Variants in RP1 observed in about 807,000 individuals in gnomAD.
The protein encoded by RP1 is oxygen-regulated protein 1.
Under a neutral mutation model 14.8 loss-of-function variants are expected in RP1, and 16 were observed. That is an observed-to-expected ratio of 1.08 (90% CI 0.73 to 1.65). RP1 has a LOEUF of 1.65. Ranked by LOEUF, RP1 falls within the 40% of genes most tolerant of loss-of-function variation. RP1 has a pLI of 0.00. For missense variants in RP1, 2,631 were observed against 2,535.0 expected, an observed-to-expected ratio of 1.04 and a Z score of -0.81; for synonymous variants, 876 against 883.6, an observed-to-expected ratio of 0.99 and a Z score of 0.15.
intron 1 of RP1, among the ~76,000 whole-genome samples, chr8:54,594,374 G>A (rs1245851096): frequency 6.6e-6 from 1 of 152,236 alleles, no homozygotes; most frequent in Non-Finnish European, 1.5e-5. Context: ...AGTGTTGGCA[G>A]CTAAGCTGTT....
intron 24 of RP1, among the ~76,000 whole-genome samples, chr8:54,820,479 T>A (rs1444365890): frequency 6.6e-6 from 1 of 152,058 alleles, no homozygotes; most frequent in Non-Finnish European, 1.5e-5. Context: ...GGTGGAGGAT[T>A]CCCCTCTGGC....
intron 25 of RP1, among the ~76,000 whole-genome samples, chr8:54,840,724 A>C (rs1196652149): frequency 6.6e-6 from 1 of 151,756 alleles, no homozygotes; most frequent in Non-Finnish European, 1.5e-5. Flanking sequence ...AAGGCTCAGC[A>C]TGTCTTCCCT....
chr8:54,614,004 T>C (rs1484794415), upstream of RP1, among the ~76,000 whole-genome samples: 1 of 152,226 alleles, frequency 6.6e-6, no homozygotes, highest in African/African-American at 2.4e-5. Context: ...TGAACACTTG[T>C]TATGACATTC....
intron 22 of RP1, among the ~76,000 whole-genome samples, chr8:54,765,545 C>A (rs1475456375): frequency 6.6e-6 from 1 of 152,224 alleles, no homozygotes; most frequent in African/African-American, 2.4e-5. Context: ...GAATTAAAAA[C>A]ATATTATCCC....
intron 19 of RP1, among the ~76,000 whole-genome samples, chr8:54,749,530 T>C (rs925407923): frequency 6.6e-6 from 1 of 152,064 alleles, no homozygotes; most frequent in South Asian, 2.1e-4. Flanking sequence ...CCTTGCTCCA[T>C]TGATATCTAG....
At chr8:54,824,532 A>AGAT (rs1471437615) in intron 24 of RP1, among the ~76,000 whole-genome samples, 2 of 151,994 alleles carry the variant, frequency 1.3e-5, no homozygotes, top group Non-Finnish European at 2.9e-5. Context: ...GGAAATCAGA[A>AGAT]GTGGGAATAC....
intron 8 of RP1, among the ~76,000 whole-genome samples, chr8:54,675,981 CTCCCATGGTGGAAGGGCAAAAAGG>C (rs1378998559): frequency 3.2e-4 from 48 of 152,116 alleles, no homozygotes; most frequent in Non-Finnish European, 6.2e-4. Flanking sequence ...TTGCTGTGTC[CTCCCATGGTGGAAGGGCAAAAAGG>C]CCTCGCTAGT....
intron 1 of RP1, among the ~76,000 whole-genome samples, chr8:54,569,108 G>A (rs1291097443): frequency 1.3e-5 from 2 of 152,208 alleles, no homozygotes; most frequent in African/African-American, 2.4e-5. Flanking sequence ...AATGCCCAAA[G>A]TTACGTTCCC....
intron 1 of RP1, among the ~76,000 whole-genome samples, chr8:54,586,723 A>G (rs1261208871): frequency 6.6e-6 from 1 of 151,970 alleles, no homozygotes; most frequent in East Asian, 1.9e-4. Context: ...CCTCGCTGCC[A>G]CCTTGCAGTT....
chr8:54,739,315 A>T (rs1809011028), intron 19 of RP1, among the ~76,000 whole-genome samples: 4 of 152,148 alleles, frequency 2.6e-5, no homozygotes, highest in Admixed American at 2.6e-4. Flanking sequence ...GCTGTAACCC[A>T]TCATGGGTCA....
rs10632655 is a variant in RP1 at position 54,563,524 on chromosome 8, T to TTGTGTG, written c.-13+4217_-13+4222dup. ...TACAAGTGTCAGCTATTATTACTAT[T>TTGTGTG]TGTGTGTGTGTGTGTGTGGTTTTTT... On this transcript the variant is annotated intron_variant, in intron 1 of 22. Coordinates refer to the RP1 transcript ENST00000636932. 1.2e-3 allele frequency among the ~76,000 whole-genome samples: 174 copies of TTGTGTG among 150,648 alleles called. No homozygotes were observed. The East Asian group carries it at 0.012, about 10-fold the overall frequency.
chr8:54,825,047 G>A lies in RP1; in HGVS notation c.3616-12403G>A, dbSNP rs1027344512. 3.9e-5 allele frequency among the ~76,000 whole-genome samples: 6 copies of A among 151,942 alleles called. 1 individual carries two copies. Among genetic ancestry groups the A allele is most frequent in the African/African-American group, 7.3e-5 (3 of 41,348 alleles). On this transcript the variant is annotated intron_variant, in intron 24 of 28. Transcript: ENST00000637698. ...TGCAGTGGCGCGATCTCCGCTCACTGCAAGCTCCGCCTCCCGGGTTCACGC... is the reference window on the plus strand; with the variant it reads ...TGCAGTGGCGCGATCTCCGCTCACTACAAGCTCCGCCTCCCGGGTTCACGC...
chr8:54,860,676 GGGACT>G (rs767600939), intron 27 of RP1, among the ~76,000 whole-genome samples: 1 of 152,220 alleles, frequency 6.6e-6, no homozygotes, highest in Non-Finnish European at 1.5e-5. Flanking sequence ...TCTTTGTTGA[GGGACT>G]GCAGGATGCC....
At chr8:54,827,898 C>CAAA (rs34407193) in intron 24 of RP1, among the ~76,000 whole-genome samples, 257 of 148,614 alleles carry the variant, frequency 1.7e-3, no homozygotes, top group African/African-American at 5.4e-3. Context: ...AACTACGTCT[C>CAAA]AAAAAAAAAA....
intron 12 of RP1, among the ~76,000 whole-genome samples, chr8:54,687,710 T>C (rs1004187182): frequency 6.6e-6 from 1 of 152,210 alleles, no homozygotes; most frequent in Non-Finnish European, 1.5e-5. Context: ...AAGTCTATCA[T>C]TGATGGGCAT....
chr8:54,794,242 CTAAA>C lies in RP1; in HGVS notation c.3615+10535_3615+10538del, dbSNP rs766661185. On this transcript the variant is annotated intron_variant, in intron 24 of 28. Transcript: ENST00000637698. ...ATTTCATGTGAAACCACAAAAAACT[CTAAA>C]TAGTCAAAGCATTCTTGAAAAAAAA... 1.7e-3 allele frequency among the ~76,000 whole-genome samples: 259 copies of C among 151,696 alleles called. 1 individual carries two copies. The highest frequency in any genetic ancestry group is 5.8e-3 in the African/African-American group (239 of 41,414).
At position 54,654,512 on chromosome 8, in the gene RP1, C is replaced by T. The variant is rs570100945; in HGVS notation, c.1039-1571C>T. Among the ~76,000 whole-genome samples, 4 of 152,288 alleles carry T rather than the reference C, an allele frequency of 2.6e-5. No individual in the cohort carries two copies. In the South Asian group the frequency reaches 8.3e-4, roughly 32 times the overall value. On this transcript the variant is annotated intron_variant, in intron 5 of 22. Coordinates refer to the RP1 transcript ENST00000636932. ...AATAACCTTGCAAACAATAATTTTTCTCATGGGTTCTCAGGAAGCCTTTCT... is the reference window on the plus strand; with the variant it reads ...AATAACCTTGCAAACAATAATTTTTTTCATGGGTTCTCAGGAAGCCTTTCT...
In RP1 at chr8:54,624,868, G is replaced by T. The variant is rs1229278794; in HGVS notation, c.986G>T (p.Gly329Val). Residue 329 changes from glycine to valine, a missense_variant, in exon 4 of 4, where the codon GGC becomes GTC. Transcript: ENST00000220676. ...IEKSIIFNQDGTMTVEMKVRF... is the reference protein window; with the variant it reads ...IEKSIIFNQDVTMTVEMKVRF... ...AAATCAATTATTTTTAATCAAGACG[G>T]CACTATGACAGTTGAGATGAAAGTT... 6.2e-7 allele frequency: 1 copy of T among 1,613,686 alleles called. No individual in the cohort carries two copies. The highest frequency in any genetic ancestry group is 8.5e-7 in the Non-Finnish European group (1 of 1,179,874).
chr8:54,679,761 C>A, intron 11 of RP1: 1 of 1,530,622 alleles, frequency 6.5e-7, no homozygotes, highest in South Asian at 1.2e-5. Flanking sequence ...TGTTTCTTCT[C>A]ATACTGGTGT....
Sources: allele counts gnomAD v4.1 joint callset (sites outside exome capture counted in the v4.1 genomes callset), GRCh38; gene constraint gnomAD v4.1.1; transcripts MANE v1.5; gene names NCBI Gene and HGNC (gene_info 2026-07-23, HGNC 2026-07-21).